Variants in NALF1 observed in about 807,000 individuals in gnomAD.
NALF1 encodes NALCN channel auxiliary factor 1, also known as family with sequence similarity 155 member A.
In NALF1, 3 loss-of-function variants were observed where a neutral mutation model predicts 48.4. The ratio of observed to expected loss-of-function variants is 0.06; its 90% CI spans 0.03 to 0.16. The LOEUF is 0.16. Ranked by LOEUF, NALF1 falls within the 10% of genes least tolerant of loss-of-function variation. NALF1 has a pLI of 1.00. For synonymous variants in NALF1, 262 were observed against 245.7 expected, an observed-to-expected ratio of 1.07 and a Z score of -0.62; for missense variants, 526 against 571.5, an observed-to-expected ratio of 0.92 and a Z score of 0.81.
At chr13:107,264,047 A>T (rs1880989978) in intron 1 of NALF1, among the ~76,000 whole-genome samples, 1 of 152,204 alleles carries the variant, frequency 6.6e-6, no homozygotes, top group African/African-American at 2.4e-5. Flanking sequence ...ATTCAGATAC[A>T]AATATTTTAA....
At chr13:107,649,376 G>A (rs1197643736) in intron 1 of NALF1, among the ~76,000 whole-genome samples, 3 of 152,048 alleles carry the variant, frequency 2.0e-5, no homozygotes, top group Admixed American at 2.0e-4. Context: ...ATTCTGTTTG[G>A]TTTTCAATGC....
chr13:107,611,772 A>C (rs1301441071), intron 1 of NALF1, among the ~76,000 whole-genome samples: 3 of 151,226 alleles, frequency 2.0e-5, no homozygotes. Flanking sequence ...GAGAACAAAA[A>C]ATTAGCAGGG....
In NALF1 at chr13:107,666,462, C is replaced by G. The variant is rs9555397; in HGVS notation, c.915+199220G>C. The stretch of plus-strand genomic sequence containing the variant: ...TTTATTACACTTGTTTAACATTTCC[C>G]TTCAAAGTTCTCTTTTTGTCTGCAG... On this transcript the variant is annotated intron_variant, in intron 1 of 2. Coordinates refer to ENST00000375915, the MANE Select transcript of NALF1 (RefSeq NM_001080396.3). Among the ~76,000 whole-genome samples the G allele has an allele frequency of 0.017, 2,659 of 152,122 alleles. 143 individuals carry two copies. The East Asian group carries it at 0.2, about 11-fold the overall frequency.
chr13:107,343,167 A>C (rs1394502945), intron 1 of NALF1, among the ~76,000 whole-genome samples: 1 of 152,244 alleles, frequency 6.6e-6, no homozygotes, highest in Non-Finnish European at 1.5e-5. Flanking sequence ...GATTGAAATC[A>C]TACCAATTAT....
At chr13:107,701,782 T>C (rs1881827693) in intron 1 of NALF1, among the ~76,000 whole-genome samples, 1 of 152,230 alleles carries the variant, frequency 6.6e-6, no homozygotes, top group Non-Finnish European at 1.5e-5. Flanking sequence ...ATATCGATTT[T>C]CTTCACTATA....
At chr13:107,208,888 C>T (rs1032675466) in intron 2 of NALF1, among the ~76,000 whole-genome samples, 1 of 151,910 alleles carries the variant, frequency 6.6e-6, no homozygotes, top group African/African-American at 2.4e-5. Context: ...CTTCCTCCCC[C>T]TCCTCCCCCT....
At chr13:107,759,766 T>G (rs997857516) in intron 1 of NALF1, among the ~76,000 whole-genome samples, 2 of 145,086 alleles carry the variant, frequency 1.4e-5, no homozygotes, top group African/African-American at 4.9e-5. Context: ...GCATTTACTT[T>G]GCTTTTTTTT....
chr13:107,370,703 G>A (rs4447273), intron 1 of NALF1, among the ~76,000 whole-genome samples: 1 of 151,954 alleles, frequency 6.6e-6, no homozygotes, highest in African/African-American at 2.4e-5. Flanking sequence ...CTCATGCTGC[G>A]AACAAAAACA....
intron 1 of NALF1, among the ~76,000 whole-genome samples, chr13:107,735,800 T>C (rs1047640799): frequency 2.0e-5 from 3 of 152,184 alleles, no homozygotes; most frequent in Non-Finnish European, 4.4e-5. Context: ...CTCTTCTTGG[T>C]GTAGGGGTAA....
Position 107,796,185 on chromosome 13 carries a change from C to A in NALF1, c.915+69497G>T, listed in dbSNP as rs752709440. 2.0e-5 allele frequency among the ~76,000 whole-genome samples: 3 copies of A among 152,046 alleles called. No individual in the cohort carries two copies. In the South Asian group the frequency reaches 6.2e-4, roughly 31 times the overall value. ...ATATTTCCCTCTTCAAATTTAAAGC[C>A]ATAATTATAGGATTTCATTTCATGT... is the stretch of plus-strand genomic sequence containing the variant. On this transcript the variant is annotated intron_variant, in intron 1 of 2. Transcript: ENST00000375915.
At chr13:107,294,066 G>C (rs756895089) in intron 1 of NALF1, among the ~76,000 whole-genome samples, 7 of 152,134 alleles carry the variant, frequency 4.6e-5, no homozygotes, top group Non-Finnish European at 4.4e-5. Context: ...CTTAGTGTTG[G>C]AGAAGGACTC....
At chr13:107,388,441 T>C (rs762768681) in intron 1 of NALF1, among the ~76,000 whole-genome samples, 1 of 152,200 alleles carries the variant, frequency 6.6e-6, no homozygotes, top group Non-Finnish European at 1.5e-5. Flanking sequence ...TGTTAGATTC[T>C]TATTCATATG....
chr13:107,558,187 A>T (rs1305093957), intron 1 of NALF1, among the ~76,000 whole-genome samples: 1 of 152,130 alleles, frequency 6.6e-6, no homozygotes, highest in African/African-American at 2.4e-5. Context: ...GCTCCAAAAC[A>T]TCACAGAAAA....
Position 107,503,742 on chromosome 13 carries a change from GGTGTGTGTGTTTGT to G in NALF1, c.916-293001_916-292988del, listed in dbSNP as rs1469001770. ...AAATGAATAAAGAAAATGTGTGTCT[GGTGTGTGTGTTTGT>G]GTGTGTGTGTGTGTGTGTGTGTGTG... On this transcript the variant is annotated intron_variant, in intron 1 of 2. Transcript: ENST00000375915. Among the ~76,000 whole-genome samples, 629 of 79,064 alleles carry G rather than the reference GGTGTGTGTGTTTGT, an allele frequency of 8.0e-3. 6 individuals carry two copies. The highest frequency in any genetic ancestry group is 0.02 in the African/African-American group (580 of 29,658). 51.9% of individuals were successfully genotyped at this position (79,064 alleles called of 152,430 possible).
At chr13:107,188,636 A>G (rs893077550) in intron 2 of NALF1, among the ~76,000 whole-genome samples, 4 of 152,216 alleles carry the variant, frequency 2.6e-5, no homozygotes, top group African/African-American at 9.7e-5. Context: ...GCATCATTAC[A>G]TCTAATATTA....
intron 1 of NALF1, among the ~76,000 whole-genome samples, chr13:107,590,180 T>C (rs1878566704): frequency 1.3e-5 from 2 of 152,002 alleles, no homozygotes; most frequent in South Asian, 2.1e-4. Context: ...AATGAAATGA[T>C]AAAAAATTTC....
At chr13:107,841,825 G>C (rs1354312319) in intron 1 of NALF1, among the ~76,000 whole-genome samples, 1 of 151,896 alleles carries the variant, frequency 6.6e-6, no homozygotes, top group Non-Finnish European at 1.5e-5. Flanking sequence ...CTGCATACTT[G>C]AAGTATCACT....
chr13:107,860,242 C>T (rs945411696), intron 1 of NALF1, among the ~76,000 whole-genome samples: 4 of 152,180 alleles, frequency 2.6e-5, no homozygotes, highest in African/African-American at 9.7e-5. Context: ...TGCACTTCCT[C>T]AGTCTCATCA....
intron 1 of NALF1, among the ~76,000 whole-genome samples, chr13:107,726,247 T>C (rs1193093150): frequency 6.6e-6 from 1 of 152,198 alleles, no homozygotes; most frequent in Non-Finnish European, 1.5e-5. Context: ...ATTTTACCAG[T>C]AGTGACAAGA....
Sources: allele counts gnomAD v4.1 joint callset (sites outside exome capture counted in the v4.1 genomes callset), GRCh38; gene constraint gnomAD v4.1.1; transcripts MANE v1.5; gene names NCBI Gene and HGNC (gene_info 2026-07-23, HGNC 2026-07-21).